Variants in PKD2L1 observed in about 807,000 individuals in gnomAD.
PKD2L1 encodes polycystin 2 like 1, transient receptor potential cation channel.
Under a neutral mutation model 93.0 loss-of-function variants are expected in PKD2L1, and 77 were observed. The observed-to-expected ratio is 0.83, with a 90% CI of 0.69 to 1.00. The LOEUF (loss-of-function observed/expected upper bound fraction) is 1.00. PKD2L1 is among the 50% of genes least tolerant of loss of function. The pLI is 0.00. For synonymous variants in PKD2L1, 390 were observed against 388.0 expected (o/e 1.01, Z -0.06); for missense variants, 977 against 990.9 (o/e 0.99, Z 0.19).
chr10:100,315,072 A>AAC, intron 2 of PKD2L1, among the ~76,000 whole-genome samples: 1 of 23,502 alleles, frequency 4.3e-5, no homozygotes, highest in East Asian at 1.6e-3. Flanking sequence ...AAGGGAAGGG[A>AAC]AGGGAAGGGA....
Position 100,296,976 on chromosome 10 carries a change from T to C in PKD2L1, c.1185+4A>G, listed in dbSNP as rs1214964006. 3 of 1,598,338 alleles carry C rather than the reference T, an allele frequency of 1.9e-6. No individual in the cohort carries two copies. In the Admixed American group the frequency reaches 5.0e-5, roughly 27 times the overall value. The stretch of plus-strand genomic sequence containing the variant: ...GTCCCAAGTCCTAGATATCTGTCCC[T>C]CACCAAGATGACCACCAGGTCCAGT... On this transcript the variant is annotated splice_donor_region_variant and intron_variant, in intron 6 of 15. Coordinates refer to ENST00000318222, the MANE Select transcript of PKD2L1 (RefSeq NM_016112.3).
intron 2 of PKD2L1, 121 bp from the exon 3 acceptor site, chr10:100,299,839 T>A: frequency 1.2e-6 from 1 of 822,336 alleles, no homozygotes; most frequent in Non-Finnish European, 2.0e-6. Context: ...TCTGGACCCA[T>A]CCTCTAGACT....
chr10:100,314,998 GGAAGGAAGGAA>G (rs1464570715), intron 2 of PKD2L1, among the ~76,000 whole-genome samples: 414 of 12,596 alleles, frequency 0.033, 11 homozygotes, highest in South Asian at 0.06. Context: ...AAGGAAGGAA[GGAAGGAAGGAA>G]GGAAGGGAAG....
At position 100,330,104 on chromosome 10, in the gene PKD2L1, G is replaced by A. The variant is rs376135893; in HGVS notation, c.-1C>T. 87 of 1,552,970 alleles carry A rather than the reference G, an allele frequency of 5.6e-5. No homozygotes were observed. Among genetic ancestry groups the A allele is most frequent in the Non-Finnish European group, 6.9e-5 (79 of 1,142,654 alleles). On this transcript the variant is annotated 5_prime_UTR_variant, in exon 1 of 16. Transcript: ENST00000318222. ...CCTCAGGACTTCCCACAGCATTCATGGGGAATGAGGTGGGGGGGCCCGGTA... is the reference window on the plus strand; with the variant it reads ...CCTCAGGACTTCCCACAGCATTCATAGGGAATGAGGTGGGGGGGCCCGGTA...
chr10:100,308,040 C>T (rs1241436942), intron 2 of PKD2L1, among the ~76,000 whole-genome samples: 1 of 152,158 alleles, frequency 6.6e-6, no homozygotes, highest in Non-Finnish European at 1.5e-5. Context: ...ATGATAACTA[C>T]ATGAGAATGT....
intron 2 of PKD2L1, among the ~76,000 whole-genome samples, chr10:100,326,956 G>A (rs1849393066): frequency 6.6e-6 from 1 of 152,192 alleles, no homozygotes; most frequent in Admixed American, 6.5e-5. Context: ...GAGAACAGAT[G>A]ACCAAGGGCA....
chr10:100,326,627 G>A (rs1386879412), intron 2 of PKD2L1, among the ~76,000 whole-genome samples: 3 of 152,216 alleles, frequency 2.0e-5, no homozygotes, highest in African/African-American at 7.2e-5. Context: ...AAGTCTGCAG[G>A]CAGGCAACCA....
intron 2 of PKD2L1, among the ~76,000 whole-genome samples, chr10:100,302,532 A>C (rs1848705383): frequency 6.7e-6 from 1 of 150,102 alleles, no homozygotes; most frequent in Non-Finnish European, 1.5e-5. Flanking sequence ...CCTCATCTCT[A>C]CAAAAAAAAA....
In PKD2L1 at chr10:100,298,690, C is replaced by A; in HGVS notation, c.603G>T (p.Arg201=). The change falls in exon 4 of 16, where the codon CGG becomes CGT. Residue 201 remains arginine, a synonymous_variant. Transcript: ENST00000318222. ...ENMLLGVPRL[R]QLKVRNDSCV... Reference sequence around the variant, plus strand: ...AGGAGTCATTGCGGACCTTTAGCTGCCGCAGCCTCGGAACCCCCAGCAGCA... The same window carrying A: ...AGGAGTCATTGCGGACCTTTAGCTGACGCAGCCTCGGAACCCCCAGCAGCA... The A allele has an allele frequency of 3.7e-6, 6 of 1,614,172 alleles. No individual in the cohort carries two copies. Among genetic ancestry groups the A allele is most frequent in the Non-Finnish European group, 5.1e-6 (6 of 1,180,024 alleles).
chr10:100,294,471 A>G (rs1848474099), intron 9 of PKD2L1, 64 bp downstream of exon 9: 2 of 1,570,480 alleles, frequency 1.3e-6, no homozygotes, highest in Admixed American at 3.4e-5. Context: ...AGTGAGGGAC[A>G]TACTAGGACC....
chr10:100,302,877 T>C (rs1024796597), intron 2 of PKD2L1, among the ~76,000 whole-genome samples: 1 of 152,246 alleles, frequency 6.6e-6, no homozygotes, highest in African/African-American at 2.4e-5. Flanking sequence ...CATTAGATGA[T>C]AGTACTGGAT....
At chr10:100,294,101 A>T (rs1848466865) in intron 9 of PKD2L1, among the ~76,000 whole-genome samples, 1 of 152,176 alleles carries the variant, frequency 6.6e-6, no homozygotes, top group Non-Finnish European at 1.5e-5. Context: ...TGACAGAGTG[A>T]GACCCTGTCT....
intron 2 of PKD2L1, among the ~76,000 whole-genome samples, chr10:100,315,602 A>T (rs987455183): frequency 6.6e-6 from 1 of 152,204 alleles, no homozygotes; most frequent in African/African-American, 2.4e-5. Flanking sequence ...TTTGACTTTT[A>T]AAAAACAAGG....
intron 2 of PKD2L1, among the ~76,000 whole-genome samples, chr10:100,305,995 C>T (rs1418242514): frequency 6.6e-6 from 1 of 151,954 alleles, no homozygotes; most frequent in Non-Finnish European, 1.5e-5. Flanking sequence ...TCAGCCTGGG[C>T]AACGTGGCAA....
chr10:100,319,599 C>T (rs564908491), intron 2 of PKD2L1, among the ~76,000 whole-genome samples: 1 of 152,332 alleles, frequency 6.6e-6, no homozygotes, highest in South Asian at 2.1e-4. Context: ...TCAACCTCTC[C>T]TATTAGTGCA....
chr10:100,322,101 C>T (rs1052601631), intron 2 of PKD2L1, among the ~76,000 whole-genome samples: 2 of 151,702 alleles, frequency 1.3e-5, no homozygotes, highest in South Asian at 2.1e-4. Context: ...TGGTGCATGC[C>T]TGTAGACCCA....
chr10:100,303,525 G>A (rs1326452331), intron 2 of PKD2L1, among the ~76,000 whole-genome samples: 1 of 152,132 alleles, frequency 6.6e-6, no homozygotes, highest in East Asian at 1.9e-4. Context: ...AGCCTCTTAT[G>A]AGCAATTCCC....
intron 2 of PKD2L1, among the ~76,000 whole-genome samples, chr10:100,327,285 A>T (rs1308117659): frequency 2.0e-5 from 3 of 152,236 alleles, no homozygotes; most frequent in Non-Finnish European, 2.9e-5. Flanking sequence ...AAAGGATTCC[A>T]CGTATTCTGC....
rs192145093 is a variant in PKD2L1 at position 100,314,376 on chromosome 10, C to G, written c.350-14658G>C. Reference sequence around the variant, plus strand: ...AAGAAGAGGAGTCAAAAGCTGTGGGCAGAGGTAGGCGAGAAGAAAGCAAAA... The same window carrying G: ...AAGAAGAGGAGTCAAAAGCTGTGGGGAGAGGTAGGCGAGAAGAAAGCAAAA... On this transcript the variant is annotated intron_variant, in intron 2 of 15. Transcript: ENST00000318222. Among the ~76,000 whole-genome samples, 591 of 152,096 alleles carry G rather than the reference C, an allele frequency of 3.9e-3. 3 individuals are homozygous for G. Among genetic ancestry groups the G allele is most frequent in the African/African-American group, 0.013 (552 of 41,466 alleles).
Sources: allele counts gnomAD v4.1 joint callset (sites outside exome capture counted in the v4.1 genomes callset), GRCh38; gene constraint gnomAD v4.1.1; transcripts MANE v1.5; gene names NCBI Gene and HGNC (gene_info 2026-07-23, HGNC 2026-07-21).